CHST11: variants seen among roughly 807,000 people sequenced by gnomAD.
The protein encoded by CHST11 is carbohydrate sulfotransferase 11.
In CHST11, 9 loss-of-function variants were observed where a neutral mutation model predicts 30.4. The ratio of observed to expected loss-of-function variants is 0.30; its 90% CI spans 0.18 to 0.52. The LOEUF (loss-of-function observed/expected upper bound fraction) is 0.52, where lower values mean the gene tolerates loss of function less well. Among genes scored for constraint, CHST11 ranks in the 20% least tolerant of loss-of-function variants. CHST11 has a pLI of 0.97. For synonymous variants in CHST11, 152 were observed against 187.8 expected (o/e 0.81, Z 1.56); for missense variants, 348 against 460.6 (o/e 0.76, Z 2.24).
intron 2 of CHST11, among the ~76,000 whole-genome samples, chr12:104,731,173 C>G (rs556043645): frequency 6.6e-6 from 1 of 152,178 alleles, no homozygotes; most frequent in East Asian, 1.9e-4. Context: ...GAACCCTCAT[C>G]GGAGGGCTAA....
At chr12:104,535,543 C>T (rs959824617) in intron 1 of CHST11, among the ~76,000 whole-genome samples, 1 of 152,198 alleles carries the variant, frequency 6.6e-6, no homozygotes, top group African/African-American at 2.4e-5. Flanking sequence ...TGGAATGTTG[C>T]TTACCTCAAG....
chr12:104,583,215 TCTTTA>T (rs761774626), intron 1 of CHST11, among the ~76,000 whole-genome samples: 15 of 152,254 alleles, frequency 9.9e-5, no homozygotes, highest in Middle Eastern at 3.4e-3. Context: ...CACTTTTTTA[TCTTTA>T]CTTTAAGATG....
At chr12:104,548,979 C>T (rs1236874899) in intron 1 of CHST11, among the ~76,000 whole-genome samples, 3 of 152,198 alleles carry the variant, frequency 2.0e-5, no homozygotes, top group African/African-American at 7.2e-5. Flanking sequence ...GATACCACTC[C>T]AAATATCATA....
rs1299452569 is a variant in CHST11, at chr12:104,462,637, A to G, written c.118+5108A>G. 3.9e-5 allele frequency among the ~76,000 whole-genome samples: 6 copies of G among 152,296 alleles called. No homozygotes were observed. The East Asian group carries it at 1.2e-3, about 29-fold the overall frequency. ...AATTTGTAGGGGCTGTTCTTATGTT[A>G]TACACCTGAAACTTCCATTGAAAAG... On this transcript the variant is annotated intron_variant, in intron 1 of 2. Transcript: ENST00000303694.
intron 2 of CHST11, among the ~76,000 whole-genome samples, chr12:104,694,131 A>T (rs1255386474): frequency 2.0e-5 from 3 of 152,184 alleles, no homozygotes; most frequent in African/African-American, 7.2e-5. Context: ...ATATCTATTC[A>T]TCAGAAAGCT....
intron 2 of CHST11, among the ~76,000 whole-genome samples, chr12:104,743,553 A>G (rs987958000): frequency 4.5e-4 from 69 of 152,338 alleles, no homozygotes; most frequent in African/African-American, 1.5e-3. Flanking sequence ...TGTAGCTAAC[A>G]TTTAAGAATA....
chr12:104,515,238 G>C (rs1282080978), intron 1 of CHST11, among the ~76,000 whole-genome samples: 4 of 152,142 alleles, frequency 2.6e-5, no homozygotes, highest in African/African-American at 9.7e-5. Context: ...CTCCCTTGTT[G>C]GCGTACTTTC....
At chr12:104,683,489 T>C (rs1004202436) in intron 2 of CHST11, among the ~76,000 whole-genome samples, 1 of 152,184 alleles carries the variant, frequency 6.6e-6, no homozygotes, top group African/African-American at 2.4e-5. Context: ...GTGGCTACAC[T>C]GAACAATTTT....
intron 1 of CHST11, chr12:104,552,820 C>G (rs2038417702): frequency 6.6e-6 from 1 of 152,234 alleles, no homozygotes; most frequent in South Asian, 2.1e-4. Flanking sequence ...AGCCCTTGCA[C>G]TTGTCTGTCT....
In CHST11 at chr12:104,712,203, T is replaced by A. The variant is rs956628156; in HGVS notation, c.205-44746T>A. ...GTGAGGTGGGTACTGTTACTCCTAT[T>A]CCCATTTGACACCTGAGGAAACTGA... is the stretch of plus-strand genomic sequence containing the variant. On this transcript the variant is annotated intron_variant, in intron 2 of 2. Coordinates refer to ENST00000303694, the MANE Select transcript of CHST11 (RefSeq NM_018413.6). Among the ~76,000 whole-genome samples, 46 of 152,128 alleles carry A rather than the reference T, an allele frequency of 3.0e-4. 1 individual carries two copies. Among genetic ancestry groups the A allele is most frequent in the Non-Finnish European group, 8.8e-5 (6 of 68,018 alleles).
At chr12:104,727,580 C>T (rs907724761) in intron 2 of CHST11, among the ~76,000 whole-genome samples, 1 of 152,158 alleles carries the variant, frequency 6.6e-6, no homozygotes, top group South Asian at 2.1e-4. Flanking sequence ...CCAACCAGTC[C>T]ACCACCCAGC....
chr12:104,551,892 G>C (rs1210153776), intron 1 of CHST11, among the ~76,000 whole-genome samples: 1 of 152,174 alleles, frequency 6.6e-6, no homozygotes, highest in Non-Finnish European at 1.5e-5. Flanking sequence ...CTGTCAGTCA[G>C]CCTGCTTTAT....
chr12:104,688,583 C>T lies in CHST11; in HGVS notation c.205-68366C>T, dbSNP rs572462759. On this transcript the variant is annotated intron_variant, in intron 2 of 2. Transcript: ENST00000303694. ...TTAATGTTAAAACATCAACCTGAAA[C>T]GTGTATTTAAAAACCTGTAAGATAT... Among the ~76,000 whole-genome samples, 74 of 152,252 alleles carry T rather than the reference C, an allele frequency of 4.9e-4. 1 individual carries two copies. In the East Asian group the frequency reaches 0.013, roughly 27 times the overall value.
chr12:104,704,506 G>T (rs2040016366), intron 2 of CHST11, among the ~76,000 whole-genome samples: 1 of 152,178 alleles, frequency 6.6e-6, no homozygotes, highest in Admixed American at 6.5e-5. Flanking sequence ...GGTTAGAGGA[G>T]GGGGTGGGAC....
At chr12:104,723,905 A>G (rs1406276518) in intron 2 of CHST11, among the ~76,000 whole-genome samples, 1 of 152,222 alleles carries the variant, frequency 6.6e-6, no homozygotes, top group African/African-American at 2.4e-5. Flanking sequence ...TTGAGGGTTC[A>G]TACTGGGGAA....
intron 1 of CHST11, among the ~76,000 whole-genome samples, chr12:104,530,861 A>G (rs979842809): frequency 1.3e-5 from 2 of 152,206 alleles, no homozygotes; most frequent in Admixed American, 1.3e-4. Flanking sequence ...GAGTATATAA[A>G]TGGATTCGTG....
intron 1 of CHST11, among the ~76,000 whole-genome samples, chr12:104,526,215 T>TA (rs11292565): frequency 1.9e-4 from 28 of 145,966 alleles, no homozygotes; most frequent in Admixed American, 2.7e-4. Flanking sequence ...ATCATTTTCT[T>TA]AAAAAAAAAA....
chr12:104,672,982 G>A (rs1312537293), intron 2 of CHST11, among the ~76,000 whole-genome samples: 2 of 152,202 alleles, frequency 1.3e-5, no homozygotes, highest in Admixed American at 1.3e-4. Flanking sequence ...CTGGAGGCCA[G>A]AAGTCCAAAA....
chr12:104,720,645 C>T (rs2040167991), intron 2 of CHST11, among the ~76,000 whole-genome samples: 1 of 152,152 alleles, frequency 6.6e-6, no homozygotes, highest in Admixed American at 6.5e-5. Context: ...GACAAAAAAC[C>T]CACAGACGTT....
Sources: gnomAD v4.1 joint callset for allele counts (sites outside exome capture counted in the v4.1 genomes callset) on GRCh38, gnomAD v4.1.1 for gene constraint, MANE v1.5 for transcripts, NCBI Gene and HGNC (gene_info 2026-07-23, HGNC 2026-07-21) for gene names.